The following IQGAP2 variants were observed in gnomAD, a reference collection of about 807,000 sequenced individuals.
IQGAP2 encodes the protein IQ motif containing GTPase activating protein 2.
A neutral mutation model predicts 201.3 loss-of-function variants in IQGAP2; 173 were observed. The ratio of observed to expected loss-of-function variants is 0.86; its 90% CI spans 0.76 to 0.98. The LOEUF is 0.98. Among genes scored for constraint, IQGAP2 ranks in the 50% least tolerant of loss-of-function variants. The pLI is 0.00. For synonymous variants in IQGAP2, 675 were observed against 673.9 expected (o/e 1.00, Z -0.03); for missense variants, 1,687 against 1,864.8 (o/e 0.90, Z 1.76).
Position 76,707,302 on chromosome 5 carries a change from T to C in IQGAP2, c.4717T>C (p.Tyr1573His), listed in dbSNP as rs1422728348. 3 of 1,475,928 alleles carry C rather than the reference T, an allele frequency of 2.0e-6. No individual in the cohort carries two copies. Among genetic ancestry groups the C allele is most frequent in the Admixed American group, 1.7e-5 (1 of 59,250 alleles). The allele number at this position is 1,475,928 out of a possible 1,614,324, so 91.4% of individuals were successfully genotyped here. A position where few individuals can be genotyped will look rare whatever the true frequency, so the allele number is the denominator to read the frequency against. The change falls in exon 36 of 36, where the codon TAT becomes CAT. Residue 1573 changes from tyrosine to histidine, a missense_variant. Coordinates refer to ENST00000274364, the MANE Select transcript of IQGAP2 (RefSeq NM_006633.5). ...CATATACCTGCTGAACAAGAAGTTC[T>C]ATGGAAAGTGAAGTGCCTACAGAAA... ...LLIYLLNKKF[Y>H]GK
intron 1 of IQGAP2, among the ~76,000 whole-genome samples, chr5:76,440,280 T>G (rs1441752335): frequency 1.3e-5 from 2 of 152,170 alleles, no homozygotes; most frequent in African/African-American, 4.8e-5. Flanking sequence ...ATCCTAGCAC[T>G]TTGGGAGGCT....
intron 10 of IQGAP2, among the ~76,000 whole-genome samples, chr5:76,599,362 A>G (rs1747267925): frequency 6.6e-6 from 1 of 152,218 alleles, no homozygotes; most frequent in Non-Finnish European, 1.5e-5. Context: ...CTGAAGCTCA[A>G]GGCTACTTAT....
intron 1 of IQGAP2, among the ~76,000 whole-genome samples, chr5:76,434,760 A>T (rs918930353): frequency 6.6e-6 from 1 of 152,128 alleles, no homozygotes. Context: ...ATCTACTTTT[A>T]GTTCTTTAAG....
In IQGAP2 at chr5:76,674,462, T is replaced by C. The variant is rs553032288; in HGVS notation, c.3295-15T>C. 6.4e-7 allele frequency: 1 copy of C among 1,551,198 alleles called. No homozygotes were observed. Among genetic ancestry groups the C allele is most frequent in the East Asian group, 2.3e-5 (1 of 44,406 alleles). On this transcript the variant is annotated splice_polypyrimidine_tract_variant and intron_variant, in intron 26 of 35. Coordinates refer to ENST00000274364, the MANE Select transcript of IQGAP2 (RefSeq NM_006633.5). Reference sequence around the variant, plus strand: ...TCTCTCTTAAAAATGGTCATGCACTTCTGCGTCACTCCAGATTGTTGGAAA... The same window carrying C: ...TCTCTCTTAAAAATGGTCATGCACTCCTGCGTCACTCCAGATTGTTGGAAA...
intron 13 of IQGAP2, chr5:76,618,177 A>G (rs138776033): frequency 9.9e-6 from 16 of 1,614,184 alleles, no homozygotes; most frequent in Non-Finnish European, 1.3e-5. Flanking sequence ...GGAGCAGTAC[A>G]TGTTGCCATA....
rs5868829 is a variant in IQGAP2, at chr5:76,520,700, C to CTTTT, written c.147-41678_147-41675dup. On this transcript the variant is annotated intron_variant, in intron 2 of 35. Coordinates refer to ENST00000274364, the MANE Select transcript of IQGAP2 (RefSeq NM_006633.5). ...TCCATGAACATCATAGGTCTCTCCT[C>CTTTT]TTTTTTTTTTTTTTTTTTTTTGAAA... Among the ~76,000 whole-genome samples, 795 of 109,006 alleles carry CTTTT rather than the reference C, an allele frequency of 7.3e-3. 18 individuals carry two copies. The highest frequency in any genetic ancestry group is 0.012 in the African/African-American group (340 of 27,602). The allele number at this position is 109,006 out of a possible 152,430, so 71.5% of individuals were successfully genotyped here. A position where few individuals can be genotyped will look rare whatever the true frequency, so the allele number is the denominator to read the frequency against.
chr5:76,593,557 G>A (rs1034636785), intron 9 of IQGAP2, among the ~76,000 whole-genome samples: 1 of 152,188 alleles, frequency 6.6e-6, no homozygotes, highest in African/African-American at 2.4e-5. Context: ...AGCGTATGCA[G>A]GTTGAGATAC....
intron 2 of IQGAP2, among the ~76,000 whole-genome samples, chr5:76,473,669 G>A (rs1561398338): frequency 6.6e-6 from 1 of 152,200 alleles, no homozygotes; most frequent in African/African-American, 2.4e-5. Flanking sequence ...ACTTCTCTAT[G>A]ATGTAGACTT....
At chr5:76,615,629 C>T (rs182754102) in intron 13 of IQGAP2, 8 of 152,184 alleles carry the variant, frequency 5.3e-5, no homozygotes, top group African/African-American at 1.7e-4. Flanking sequence ...ATCATTCACT[C>T]TTTACCACTA....
chr5:76,563,380 GTATT>G (rs1378764080), intron 3 of IQGAP2, among the ~76,000 whole-genome samples: 1 of 152,156 alleles, frequency 6.6e-6, no homozygotes, highest in Non-Finnish European at 1.5e-5. Context: ...ACATATCAAA[GTATT>G]TACAGATGAA....
chr5:76,690,688 T>A (rs961369645), intron 30 of IQGAP2, among the ~76,000 whole-genome samples: 1 of 152,228 alleles, frequency 6.6e-6, no homozygotes, highest in African/African-American at 2.4e-5. Context: ...TAATAATATA[T>A]TTTATTTAAC....
chr5:76,667,877 C>CTTTTTTTTTTTTTTTTTTTTTTTTTT lies in IQGAP2; in HGVS notation c.2680-781_2680-780insTTTTTTTTTTTTTTTTTTTTTTTTTT, dbSNP rs540744402. 1.9e-4 allele frequency among the ~76,000 whole-genome samples: 23 copies of CTTTTTTTTTTTTTTTTTTTTTTTTTT among 123,426 alleles called. 1 individual carries two copies. The highest frequency in any genetic ancestry group is 6.6e-4 in the African/African-American group (21 of 31,948). The allele number at this position is 123,426 out of a possible 152,430, so 81.0% of individuals were successfully genotyped here. ...TGTAGCCGGGCCCTTAGTCCACTTT[C>CTTTTTTTTTTTTTTTTTTTTTTTTTT]TTTTTTTTTTTTTTTTTTTTTTTGA... On this transcript the variant is annotated intron_variant, in intron 22 of 35. Transcript: ENST00000274364.
chr5:76,637,272 C>T (rs2937415), intron 16 of IQGAP2, 96 bp downstream of exon 16: 545,940 of 957,362 alleles, frequency 0.57, 156,252 homozygotes, highest in Middle Eastern at 0.61. Flanking sequence ...GAGGAACTAA[C>T]TGATTTATCT....
Position 76,677,341 on chromosome 5 carries a change from C to T in IQGAP2, c.3651C>T (p.Ser1217=). Residue 1217 remains serine, a synonymous_variant, in exon 28 of 36, where the codon AGC becomes AGT. Transcript: ENST00000274364. ...ATATTTCAATTGAAGAAATCATCAGCACACACTCAGTAAGTGGGGATGGGG... is the reference window on the plus strand; with the variant it reads ...ATATTTCAATTGAAGAAATCATCAGTACACACTCAGTAAGTGGGGATGGGG... ...VIYISIEEII[S]THSLLLEHQD... 6.2e-7 allele frequency: 1 copy of T among 1,613,658 alleles called. No homozygotes were observed. The highest frequency in any genetic ancestry group is 8.5e-7 in the Non-Finnish European group (1 of 1,179,800).
chr5:76,631,750 A>G (rs1750724056), intron 14 of IQGAP2, 109 bp from the exon 15 acceptor site: 1 of 759,488 alleles, frequency 1.3e-6, no homozygotes. Flanking sequence ...CTCAAAGGGT[A>G]AAAATGTTTG....
intron 10 of IQGAP2, among the ~76,000 whole-genome samples, chr5:76,598,142 T>G (rs928739992): frequency 5.3e-5 from 8 of 152,170 alleles, no homozygotes; most frequent in African/African-American, 1.9e-4. Flanking sequence ...TGAAAACTAC[T>G]GAAAGCAGAA....
rs111520008 is a variant in IQGAP2, at chr5:76,704,255, C to T, written c.4614+1665C>T. The stretch of plus-strand genomic sequence containing the variant: ...GGTGATACCCTTTGGTTAGTGATTC[C>T]TCTGTAGAAATAGCAAAAGACATAT... On this transcript the variant is annotated intron_variant, in intron 35 of 35. Coordinates refer to ENST00000274364, the MANE Select transcript of IQGAP2 (RefSeq NM_006633.5). Among the ~76,000 whole-genome samples the T allele has an allele frequency of 1.8e-4, 28 of 152,218 alleles. 2 individuals carry two copies. Among genetic ancestry groups the T allele is most frequent in the African/African-American group, 6.3e-4 (26 of 41,522 alleles).
chr5:76,482,577 A>G (rs918711230), intron 2 of IQGAP2, among the ~76,000 whole-genome samples: 2 of 152,218 alleles, frequency 1.3e-5, no homozygotes, highest in African/African-American at 2.4e-5. Flanking sequence ...ACCCAGGACT[A>G]AAAACAAAGT....
intron 2 of IQGAP2, among the ~76,000 whole-genome samples, chr5:76,489,052 G>A (rs1202262956): frequency 6.6e-6 from 1 of 152,154 alleles, no homozygotes; most frequent in Admixed American, 6.5e-5. Flanking sequence ...CAGGCTCCCA[G>A]CTCCTTGTTC....
Sources: allele counts gnomAD v4.1 joint callset (sites outside exome capture counted in the v4.1 genomes callset), GRCh38; gene constraint gnomAD v4.1.1; transcripts MANE v1.5; gene names NCBI Gene and HGNC (gene_info 2026-07-23, HGNC 2026-07-21).